ACTR3C: variants seen among roughly 807,000 people sequenced by gnomAD.
The protein encoded by ACTR3C is actin related protein 3C.
ACTR3C carries 18 observed loss-of-function variants against 26.3 expected under a neutral mutation model. The observed-to-expected ratio is 0.68, with a 90% CI of 0.47 to 1.01. The LOEUF is 1.01. Ranked by LOEUF, ACTR3C falls within the 50% of genes least tolerant of loss-of-function variation. The pLI, the probability that ACTR3C is intolerant of heterozygous loss-of-function variation, is 0.00. For synonymous variants in ACTR3C, 55 were observed against 94.5 expected, an observed-to-expected ratio of 0.58 and a Z score of 2.42; for missense variants, 184 against 250.7, an observed-to-expected ratio of 0.73 and a Z score of 1.80.
At chr7:150,042,320 G>C in the ACTR3C span, among the ~76,000 whole-genome samples, 153 of 103,696 alleles carry the variant, frequency 1.5e-3, no homozygotes, top group Admixed American at 8.7e-3. Context: ...AGAGGGACTG[G>C]CTCTCAGTCC....
chr7:150,270,787 C>T (rs1343232904), intron 6 of ACTR3C, among the ~76,000 whole-genome samples: 4 of 151,584 alleles, frequency 2.6e-5, no homozygotes, highest in South Asian at 2.1e-4. Context: ...TCTCTCTTTC[C>T]TTGGCACTGC....
chr7:149,983,959 G>C, the ACTR3C span, among the ~76,000 whole-genome samples: 4 of 152,048 alleles, frequency 2.6e-5, no homozygotes, highest in Admixed American at 6.5e-5. Context: ...AGGGGCTTGG[G>C]ATAAGGGGAA....
intron 4 of ACTR3C, among the ~76,000 whole-genome samples, chr7:150,287,931 C>T (rs1835912622): frequency 6.9e-6 from 1 of 144,774 alleles, no homozygotes; most frequent in Non-Finnish European, 1.5e-5. Flanking sequence ...GAGTTGGGTG[C>T]AGAGTAACAG....
At chr7:150,250,609 A>G (rs557435737) in intron 6 of ACTR3C, among the ~76,000 whole-genome samples, 9,666 of 150,940 alleles carry the variant, frequency 0.064, 1,139 homozygotes, top group African/African-American at 0.23. Flanking sequence ...AGGAATCCAG[A>G]CAAGGCCATT....
chr7:150,115,020 T>C, the ACTR3C span, among the ~76,000 whole-genome samples: 6 of 152,140 alleles, frequency 3.9e-5, no homozygotes, highest in African/African-American at 1.4e-4. Context: ...AGAAAGTTCA[T>C]TTCTCCATCC....
At chr7:149,913,211 C>T in the ACTR3C span, among the ~76,000 whole-genome samples, 1 of 152,122 alleles carries the variant, frequency 6.6e-6, no homozygotes, top group African/African-American at 2.4e-5. Flanking sequence ...ATGTTAACAT[C>T]ACAGCTCAAT....
the ACTR3C span, among the ~76,000 whole-genome samples, chr7:150,037,286 G>C: frequency 1.9e-5 from 1 of 51,888 alleles, no homozygotes; most frequent in African/African-American, 6.1e-5. Flanking sequence ...CAGTCCTCCA[G>C]GTGGGTCCTA....
At chr7:150,046,200 C>T in the ACTR3C span, among the ~76,000 whole-genome samples, 1 of 151,970 alleles carries the variant, frequency 6.6e-6, no homozygotes, top group Non-Finnish European at 1.5e-5. Flanking sequence ...CAAACCACAT[C>T]TCCCACAAAG....
chr7:149,976,026 T>C, the ACTR3C span, among the ~76,000 whole-genome samples: 4 of 152,252 alleles, frequency 2.6e-5, no homozygotes, highest in Non-Finnish European at 5.9e-5. Context: ...TTCGTTGGAC[T>C]AGACTTCATC....
intron 1 of ACTR3C, among the ~76,000 whole-genome samples, chr7:150,318,756 G>GCAA (rs1176899705): frequency 6.6e-6 from 1 of 152,056 alleles, no homozygotes; most frequent in African/African-American, 2.4e-5. Flanking sequence ...AACAACAATG[G>GCAA]CAACAACAAC....
the ACTR3C span, among the ~76,000 whole-genome samples, chr7:150,057,541 C>T: frequency 6.6e-6 from 1 of 152,166 alleles, no homozygotes; most frequent in Non-Finnish European, 1.5e-5. Context: ...CCACCTTGGC[C>T]TCCCAAAGTG....
chr7:150,132,686 T>C, the ACTR3C span, among the ~76,000 whole-genome samples: 1 of 152,336 alleles, frequency 6.6e-6, no homozygotes, highest in African/African-American at 2.4e-5. Context: ...CCAGCCACTG[T>C]GAAGAGCAGG....
the ACTR3C span, among the ~76,000 whole-genome samples, chr7:150,067,778 CA>C: frequency 0.01 from 1,370 of 135,986 alleles, 32 homozygotes; most frequent in African/African-American, 0.036. Context: ...TGAATTGCCC[CA>C]CACAACAAGG....
chr7:150,137,372 A>G, the ACTR3C span, among the ~76,000 whole-genome samples: 1 of 152,162 alleles, frequency 6.6e-6, no homozygotes, highest in African/African-American at 2.4e-5. Flanking sequence ...GGGAGAAATC[A>G]TCTACACTAA....
chr7:150,242,299 G>A (rs1832232582), downstream of ACTR3C, among the ~76,000 whole-genome samples: 1 of 150,804 alleles, frequency 6.6e-6, no homozygotes, highest in Non-Finnish European at 1.5e-5. Flanking sequence ...GAGGGCAACA[G>A]AGGACACCAC....
chr7:150,316,643 G>A (rs767696776), intron 1 of ACTR3C, among the ~76,000 whole-genome samples: 2 of 151,928 alleles, frequency 1.3e-5, no homozygotes, highest in African/African-American at 2.4e-5. Flanking sequence ...GTGCCATCAC[G>A]CTCAGCTAAT....
chr7:150,038,076 CG>C, the ACTR3C span, among the ~76,000 whole-genome samples: 1 of 134,594 alleles, frequency 7.4e-6, no homozygotes, highest in Non-Finnish European at 1.6e-5. Context: ...CCCCACCTCG[CG>C]GGGGGTGCCT....
At chr7:150,094,164 T>C in the ACTR3C span, among the ~76,000 whole-genome samples, 5 of 150,730 alleles carry the variant, frequency 3.3e-5, no homozygotes, top group African/African-American at 1.2e-4. Context: ...GAGACCTCCA[T>C]TTGTTGAGCC....
At chr7:149,890,008 T>C in the ACTR3C span, among the ~76,000 whole-genome samples, 911 of 152,364 alleles carry the variant, frequency 6.0e-3, 10 homozygotes, top group African/African-American at 0.02. Context: ...AGACTGGCTT[T>C]AATATACATT....
Sources: gnomAD v4.1 joint callset for allele counts (sites outside exome capture counted in the v4.1 genomes callset) on GRCh38, gnomAD v4.1.1 for gene constraint, MANE v1.5 for transcripts, NCBI Gene and HGNC (gene_info 2026-07-23, HGNC 2026-07-21) for gene names.